Variants in CLASP1 observed in about 807,000 individuals in gnomAD.
CLASP1 encodes the protein cytoplasmic linker associated protein 1.
A neutral mutation model predicts 192.3 loss-of-function variants in CLASP1; 38 were observed. The ratio of observed to expected loss-of-function variants is 0.20; its 90% confidence interval spans 0.15 to 0.26. The LOEUF (loss-of-function observed/expected upper bound fraction) is 0.26. Ranked by LOEUF, CLASP1 falls within the 10% of genes least tolerant of loss-of-function variation. The pLI, the probability that CLASP1 is intolerant of heterozygous loss-of-function variation, is 1.00. For missense variants in CLASP1, 1,433 were observed against 1,932.5 expected, an observed-to-expected ratio of 0.74 and a Z score of 4.85; for synonymous variants, 691 against 712.8, an observed-to-expected ratio of 0.97 and a Z score of 0.49.
intron 2 of CLASP1, among the ~76,000 whole-genome samples, chr2:121,533,118 G>T (rs2094941189): frequency 1.3e-5 from 2 of 152,128 alleles, no homozygotes; most frequent in Non-Finnish European, 2.9e-5. Context: ...AGCAGAGAAG[G>T]CCTCGCTAAG....
intron 7 of CLASP1, among the ~76,000 whole-genome samples, chr2:121,514,138 T>C (rs1257430375): frequency 6.6e-6 from 1 of 152,196 alleles, no homozygotes; most frequent in Non-Finnish European, 1.5e-5. Flanking sequence ...TTTCACCATG[T>C]CATTTCCCCC....
chr2:121,605,629 T>C, intron 2 of CLASP1, 72 bp downstream of exon 2: 1 of 1,170,100 alleles, frequency 8.5e-7, no homozygotes, highest in Non-Finnish European at 1.3e-6. Context: ...CAAGGGATTT[T>C]TATAAGGGCC....
chr2:121,648,288 A>G (rs991131179), intron 1 of CLASP1, among the ~76,000 whole-genome samples: 4 of 152,224 alleles, frequency 2.6e-5, no homozygotes, highest in African/African-American at 9.6e-5. Context: ...GCATGAAACT[A>G]TTTCTCGCTT....
chr2:121,435,141 C>T (rs1171739373), intron 19 of CLASP1, among the ~76,000 whole-genome samples: 1 of 152,170 alleles, frequency 6.6e-6, no homozygotes, highest in African/African-American at 2.4e-5. Flanking sequence ...GGAAACATAG[C>T]AAGACCCTGT....
At chr2:121,618,676 C>T (rs1559787108) in intron 1 of CLASP1, among the ~76,000 whole-genome samples, 1 of 151,882 alleles carries the variant, frequency 6.6e-6, no homozygotes, top group African/African-American at 2.4e-5. Context: ...TTTTTTAATG[C>T]AAAAATAATA....
At chr2:121,477,647 TTAATC>T (rs1398671907) in intron 8 of CLASP1, among the ~76,000 whole-genome samples, 3 of 152,248 alleles carry the variant, frequency 2.0e-5, no homozygotes, top group Non-Finnish European at 2.9e-5. Flanking sequence ...TAGATCAATA[TTAATC>T]TAGTCAATTT....
At chr2:121,346,563 T>C (rs2149112341) in intron 39 of CLASP1, among the ~76,000 whole-genome samples, 1 of 152,354 alleles carries the variant, frequency 6.6e-6, no homozygotes, top group South Asian at 2.1e-4. Flanking sequence ...TTAAGGGGGA[T>C]GACCATGCCC....
intron 12 of CLASP1, among the ~76,000 whole-genome samples, chr2:121,459,267 A>G (rs1412893614): frequency 6.6e-6 from 1 of 151,988 alleles, no homozygotes; most frequent in African/African-American, 2.4e-5. Context: ...GGCTCAATCA[A>G]TCCTCCCACT....
chr2:121,394,144 G>C (rs1426944712), intron 30 of CLASP1, among the ~76,000 whole-genome samples: 1 of 152,108 alleles, frequency 6.6e-6, no homozygotes, highest in Non-Finnish European at 1.5e-5. Context: ...CGGGACTTGT[G>C]AATATAATGG....
intron 37 of CLASP1, among the ~76,000 whole-genome samples, chr2:121,352,501 C>CT (rs1288848546): frequency 6.6e-6 from 1 of 152,188 alleles, no homozygotes; most frequent in African/African-American, 2.4e-5. Flanking sequence ...TGGCCTTTCA[C>CT]TTTTTTACCC....
At chr2:121,403,692 A>G in intron 26 of CLASP1, 1 of 455,350 alleles carries the variant, frequency 2.2e-6, no homozygotes, top group Admixed American at 2.4e-5. Flanking sequence ...AAACTTCTGT[A>G]AAGATACCCT....
At chr2:121,481,529 GA>G (rs1401471901) in intron 8 of CLASP1, among the ~76,000 whole-genome samples, 2 of 152,104 alleles carry the variant, frequency 1.3e-5, no homozygotes, top group Non-Finnish European at 2.9e-5. Context: ...GTAAGCAAAA[GA>G]AAAAAGCTCA....
intron 26 of CLASP1, 193 bp downstream of exon 27, chr2:121,404,178 A>G: frequency 1.6e-6 from 1 of 637,476 alleles, no homozygotes. Flanking sequence ...TTTAACTTGA[A>G]ATTTTATGCA....
chr2:121,404,507 C>T lies in CLASP1; in HGVS notation c.2670-73G>A, dbSNP rs542709534. On this transcript the variant is annotated intron_variant, in intron 25 of 39. Coordinates refer to ENST00000263710, the Ensembl canonical transcript of CLASP1. ...TTTGAGACAGGGTCTCACTCTATTA[C>T]CCAGGCTAGAGTGCAGTGGTGCGAT... The T allele has an allele frequency of 8.3e-5, 112 of 1,345,112 alleles. 1 individual carries two copies. The African/African-American group carries it at 1.4e-3, about 17-fold the overall frequency. The allele number at this position is 1,345,112 out of a possible 1,614,324, so 83.3% of individuals were successfully genotyped here.
chr2:121,386,584 T>C (rs2073241629), intron 32 of CLASP1, among the ~76,000 whole-genome samples: 1 of 152,244 alleles, frequency 6.6e-6, no homozygotes, highest in Admixed American at 6.5e-5. Context: ...AGGGCCAATA[T>C]TTGCACGGTC....
Position 121,363,537 on chromosome 2 carries a change from G to A in CLASP1, c.4078-237C>T, listed in dbSNP as rs145502326. On this transcript the variant is annotated intron_variant, in intron 36 of 39. Coordinates refer to ENST00000263710, the Ensembl canonical transcript of CLASP1. ...TAGGGTGACATTCCCAGGACCCAGC[G>A]CCTGACAGGCACTGAGAAAAGCTAC... 3.9e-3 allele frequency among the ~76,000 whole-genome samples: 599 copies of A among 152,260 alleles called. 2 individuals are homozygous for A. Among genetic ancestry groups the A allele is most frequent in the Admixed American group, 7.6e-3 (116 of 15,304 alleles).
In CLASP1 at chr2:121,398,411, G is replaced by A. The variant is rs2075637653; in HGVS notation, c.2901-11C>T. The A allele has an allele frequency of 2.6e-6, 4 of 1,549,850 alleles. No homozygotes were observed. Among genetic ancestry groups the A allele is most frequent in the African/African-American group, 2.7e-5 (2 of 73,126 alleles). ...AATGGAAAGGAGTCCCTAGGTTGGT[G>A]GGAAAAAAGTGCTTATTTTTAAAGA... On this transcript the variant is annotated splice_polypyrimidine_tract_variant and intron_variant, in intron 28 of 39. Coordinates refer to ENST00000263710, the Ensembl canonical transcript of CLASP1.
chr2:121,542,387 T>A (rs1463785494), intron 2 of CLASP1, among the ~76,000 whole-genome samples: 6 of 152,240 alleles, frequency 3.9e-5, no homozygotes, highest in African/African-American at 1.4e-4. Context: ...TTTCTACACA[T>A]TTTTTAGTTA....
At chr2:121,508,175 G>A (rs958973911) in intron 7 of CLASP1, among the ~76,000 whole-genome samples, 4 of 151,980 alleles carry the variant, frequency 2.6e-5, no homozygotes, top group Admixed American at 6.6e-5. Context: ...AATAATTATA[G>A]AACTATATGC....
Sources: gnomAD v4.1 joint callset for allele counts (sites outside exome capture counted in the v4.1 genomes callset) on GRCh38, gnomAD v4.1.1 for gene constraint, MANE v1.5 for transcripts, NCBI Gene and HGNC (gene_info 2026-07-23, HGNC 2026-07-21) for gene names.